DGKI: variants seen among roughly 807,000 people sequenced by gnomAD.
DGKI encodes the protein DAG kinase iota.
A neutral mutation model predicts 147.5 loss-of-function variants in DGKI; 55 were observed. The observed-to-expected ratio is 0.37, with a 90% CI of 0.30 to 0.47. DGKI has a LOEUF of 0.47. Among genes scored for constraint, DGKI ranks in the 20% least tolerant of loss-of-function variants. The pLI, the probability that DGKI is intolerant of heterozygous loss-of-function variation, is 1.00. For missense variants in DGKI, 1,007 were observed against 1,323.8 expected, an observed-to-expected ratio of 0.76 and a Z score of 3.71; for synonymous variants, 469 against 477.1, an observed-to-expected ratio of 0.98 and a Z score of 0.22.
intron 8 of DGKI, among the ~76,000 whole-genome samples, chr7:137,611,741 C>T (rs748032739): frequency 4.6e-5 from 7 of 152,246 alleles, no homozygotes; most frequent in Admixed American, 2.0e-4. Flanking sequence ...TAAATAATGC[C>T]TCATTCTCAG....
chr7:137,718,250 GT>G (rs1794441334), intron 1 of DGKI, among the ~76,000 whole-genome samples: 1 of 152,202 alleles, frequency 6.6e-6, no homozygotes, highest in African/African-American at 2.4e-5. Context: ...TGTTGTGGTT[GT>G]TATTGTTATT....
intron 1 of DGKI, among the ~76,000 whole-genome samples, chr7:137,724,246 A>T (rs1016186240): frequency 1.3e-5 from 2 of 152,312 alleles, no homozygotes; most frequent in Middle Eastern, 6.8e-3. Flanking sequence ...CTGGAGAGGC[A>T]TCTGGGGCCA....
intron 1 of DGKI, among the ~76,000 whole-genome samples, chr7:137,693,822 T>A (rs1387009775): frequency 6.6e-6 from 1 of 152,192 alleles, no homozygotes; most frequent in Admixed American, 6.5e-5. Flanking sequence ...GAGTCAGAAA[T>A]CCTTCATAGC....
chr7:137,807,320 G>C (rs978776729), intron 1 of DGKI, among the ~76,000 whole-genome samples: 2 of 152,238 alleles, frequency 1.3e-5, no homozygotes, highest in Non-Finnish European at 2.9e-5. Context: ...ATGGCAAAAA[G>C]CTGCTAGGAA....
rs995087241 is a variant in DGKI, at chr7:137,386,077, T to C, written c.*5143A>G. On this transcript the variant is annotated 3_prime_UTR_variant, in exon 33 of 33. Coordinates refer to ENST00000614521, the MANE Select transcript of DGKI (RefSeq NM_001321708.2). Reference sequence around the variant, plus strand: ...TAACTGAATACATATGTAAATAGACTCTGGAGTCTATGCATTATGAAGATA... The same window carrying C: ...TAACTGAATACATATGTAAATAGACCCTGGAGTCTATGCATTATGAAGATA... The C allele has an allele frequency of 6.6e-6, 1 of 152,178 alleles. No individual in the cohort carries two copies. The highest frequency in any genetic ancestry group is 1.5e-5 in the Non-Finnish European group (1 of 68,008). 9.4% of individuals were successfully genotyped at this position (152,178 alleles called of 1,614,324 possible). A position where few individuals can be genotyped will look rare whatever the true frequency, so the allele number is the denominator to read the frequency against.
chr7:137,742,194 C>T (rs894852974), intron 1 of DGKI, among the ~76,000 whole-genome samples: 8 of 152,094 alleles, frequency 5.3e-5, no homozygotes, highest in Non-Finnish European at 1.0e-4. Flanking sequence ...TTCTTTGGCT[C>T]AGAGGTTGTT....
At chr7:137,412,146 A>T in intron 29 of DGKI, 24 bp downstream of exon 29, 1 of 1,610,326 alleles carries the variant, frequency 6.2e-7, no homozygotes, top group African/African-American at 1.3e-5. Flanking sequence ...GCATCGCCAA[A>T]GATTTGGTAG....
intron 21 of DGKI, among the ~76,000 whole-genome samples, chr7:137,500,028 T>C (rs78699699): frequency 0.038 from 5,773 of 152,224 alleles, 309 homozygotes; most frequent in East Asian, 0.12. Context: ...GTCTGTTATT[T>C]AAGCCATCCA....
intron 20 of DGKI, among the ~76,000 whole-genome samples, chr7:137,539,905 G>C (rs908638694): frequency 2.0e-5 from 3 of 152,076 alleles, no homozygotes; most frequent in African/African-American, 7.2e-5. Flanking sequence ...GAATAAAAGA[G>C]GACTTGTACT....
intron 3 of DGKI, among the ~76,000 whole-genome samples, chr7:137,669,433 C>T (rs1347738113): frequency 1.3e-5 from 2 of 152,224 alleles, no homozygotes; most frequent in Non-Finnish European, 2.9e-5. Flanking sequence ...CCCTGGAAAA[C>T]ATTGCAAGAA....
chr7:137,621,580 G>A (rs1282431426), intron 7 of DGKI, among the ~76,000 whole-genome samples: 2 of 152,178 alleles, frequency 1.3e-5, no homozygotes, highest in Non-Finnish European at 2.9e-5. Flanking sequence ...ATCAACCGCT[G>A]TAATTTGTGT....
At chr7:137,818,358 T>C (rs1246541066) in intron 1 of DGKI, among the ~76,000 whole-genome samples, 1 of 152,220 alleles carries the variant, frequency 6.6e-6, no homozygotes, top group African/African-American at 2.4e-5. Context: ...CATTAAGCTT[T>C]GTGTATCTGT....
intron 4 of DGKI, 98 bp downstream of exon 4, chr7:137,656,368 C>A: frequency 1.6e-6 from 2 of 1,239,840 alleles, no homozygotes; most frequent in Non-Finnish European, 1.2e-6. Flanking sequence ...TTTTTAAGGG[C>A]ATTGTTTTCA....
At chr7:137,448,872 T>C (rs1398390216) in intron 27 of DGKI, among the ~76,000 whole-genome samples, 17 of 152,296 alleles carry the variant, frequency 1.1e-4, no homozygotes, top group Non-Finnish European at 2.1e-4. Flanking sequence ...CTAGTTGTTA[T>C]TAAAGAAACT....
rs1183221330 is a variant in DGKI, at chr7:137,391,070, C to A, written c.*150G>T. 5 of 691,714 alleles carry A rather than the reference C, an allele frequency of 7.2e-6. No individual in the cohort carries two copies. The highest frequency in any genetic ancestry group is 1.0e-5 in the Non-Finnish European group (4 of 388,510). The allele number at this position is 691,714 out of a possible 1,614,324, so 42.8% of individuals were successfully genotyped here. A position where few individuals can be genotyped will look rare whatever the true frequency, so the allele number is the denominator to read the frequency against. ...TGTTCTGTTGTACATCTTGGTAGCC[C>A]TTAAAAGCTAGTGGCATGGTCTCAG... On this transcript the variant is annotated 3_prime_UTR_variant, in exon 33 of 33. Transcript: ENST00000614521.
At chr7:137,556,189 C>G (rs1253720185) in intron 19 of DGKI, among the ~76,000 whole-genome samples, 2 of 151,508 alleles carry the variant, frequency 1.3e-5, no homozygotes. Context: ...AAATGAATTT[C>G]ATAGAAAACT....
intron 1 of DGKI, among the ~76,000 whole-genome samples, chr7:137,745,259 G>A (rs937871587): frequency 2.0e-5 from 3 of 152,174 alleles, no homozygotes; most frequent in Non-Finnish European, 4.4e-5. Context: ...TGTTTATGTA[G>A]ATGGAAGGCA....
chr7:137,654,337 T>C (rs1259487286), intron 5 of DGKI, among the ~76,000 whole-genome samples: 1 of 152,316 alleles, frequency 6.6e-6, no homozygotes, highest in East Asian at 1.9e-4. Flanking sequence ...TGCTGCCCCA[T>C]GAATGGCTTA....
At chr7:137,724,034 T>C (rs982179517) in intron 1 of DGKI, among the ~76,000 whole-genome samples, 1 of 151,546 alleles carries the variant, frequency 6.6e-6, no homozygotes, top group Non-Finnish European at 1.5e-5. Flanking sequence ...TAAGGTATCA[T>C]GACATCCTCT....
Sources: allele counts gnomAD v4.1 joint callset (sites outside exome capture counted in the v4.1 genomes callset), GRCh38; gene constraint gnomAD v4.1.1; transcripts MANE v1.5; gene names NCBI Gene and HGNC (gene_info 2026-07-23, HGNC 2026-07-21).